Variants in UBE3C observed in about 807,000 individuals in gnomAD.
UBE3C encodes the protein ubiquitin protein ligase E3C, also known as ubiquitin-protein ligase E3C.
In UBE3C, 42 loss-of-function variants were observed where a neutral mutation model predicts 129.4. The observed-to-expected ratio is 0.32, with a 90% CI of 0.25 to 0.42. The LOEUF (loss-of-function observed/expected upper bound fraction) is 0.42, where lower values mean the gene tolerates loss of function less well. Ranked by LOEUF, UBE3C falls within the 10% of genes least tolerant of loss-of-function variation. UBE3C has a pLI of 1.00. For missense variants in UBE3C, 1,049 were observed against 1,319.1 expected, an observed-to-expected ratio of 0.80 and a Z score of 3.17; for synonymous variants, 510 against 492.4, an observed-to-expected ratio of 1.04 and a Z score of -0.47.
At chr7:157,260,274 C>T (rs867689119) in intron 22 of UBE3C, among the ~76,000 whole-genome samples, 6 of 152,174 alleles carry the variant, frequency 3.9e-5, no homozygotes, top group Middle Eastern at 3.4e-3. Flanking sequence ...GAGAAACTGA[C>T]GTAATGAAAG....
intron 18 of UBE3C, among the ~76,000 whole-genome samples, chr7:157,235,886 C>G (rs6946713): frequency 0.1 from 15,516 of 152,242 alleles, 903 homozygotes; most frequent in African/African-American, 0.14. Context: ...TTGCTCGGAT[C>G]TAAGTAAGTG....
At chr7:157,219,842 T>G (rs1003852489) in intron 14 of UBE3C, among the ~76,000 whole-genome samples, 2 of 151,330 alleles carry the variant, frequency 1.3e-5, no homozygotes, top group Non-Finnish European at 2.9e-5. Context: ...GAGGTTGCAG[T>G]GAGCCAAGAT....
intron 8 of UBE3C, among the ~76,000 whole-genome samples, chr7:157,182,595 T>C (rs1808696657): frequency 6.6e-6 from 1 of 152,224 alleles, no homozygotes; most frequent in Non-Finnish European, 1.5e-5. Flanking sequence ...AGCTCTTCTG[T>C]GAGTCAGGCC....
At chr7:157,170,672 A>AT (rs759220641) in intron 4 of UBE3C, among the ~76,000 whole-genome samples, 5 of 152,014 alleles carry the variant, frequency 3.3e-5, no homozygotes, top group Admixed American at 3.3e-4. Context: ...GCTTTTTCGT[A>AT]TTTTTTGCAG....
intron 18 of UBE3C, among the ~76,000 whole-genome samples, chr7:157,237,298 G>C (rs543534508): frequency 6.6e-6 from 1 of 151,852 alleles, no homozygotes; most frequent in African/African-American, 2.4e-5. Flanking sequence ...AAAATTAGCC[G>C]GGCGTGGTGG....
At chr7:157,246,098 G>C (rs2116675233) in intron 18 of UBE3C, among the ~76,000 whole-genome samples, 1 of 151,806 alleles carries the variant, frequency 6.6e-6, no homozygotes, top group Non-Finnish European at 1.5e-5. Flanking sequence ...AACCTCAACA[G>C]CTATTTTCTC....
At chr7:157,266,275 C>T (rs1301588898) in intron 22 of UBE3C, among the ~76,000 whole-genome samples, 1 of 152,166 alleles carries the variant, frequency 6.6e-6, no homozygotes, top group Non-Finnish European at 1.5e-5. Context: ...GATTGCACCA[C>T]TGCACTCCAG....
In UBE3C at chr7:157,269,217, ATATTT is replaced by A. The variant is rs1401882785; in HGVS notation, c.*1467_*1471del. On this transcript the variant is annotated 3_prime_UTR_variant, in exon 23 of 23. Transcript: ENST00000348165. Reference sequence around the variant, plus strand: ...TTCTATATCTTATTAGTTAATTTGTATATTTTATTAGTATTTTGGAAATAGCATAT... The same window carrying A: ...TTCTATATCTTATTAGTTAATTTGTATATTAGTATTTTGGAAATAGCATAT... The A allele has an allele frequency of 1.3e-5, 2 of 152,542 alleles. No individual in the cohort carries two copies. Among genetic ancestry groups the A allele is most frequent in the Admixed American group, 6.6e-5 (1 of 15,266 alleles). 9.4% of individuals were successfully genotyped at this position (152,542 alleles called of 1,614,324 possible).
At chr7:157,224,812 T>C (rs901725279) in intron 16 of UBE3C, among the ~76,000 whole-genome samples, 19 of 151,020 alleles carry the variant, frequency 1.3e-4, no homozygotes, top group South Asian at 2.1e-4. Flanking sequence ...TCTCTCTCTC[T>C]CCCACTCACT....
chr7:157,143,315 C>A (rs191816357), intron 1 of UBE3C, among the ~76,000 whole-genome samples: 1 of 152,152 alleles, frequency 6.6e-6, no homozygotes, highest in East Asian at 1.9e-4. Context: ...ATTTCAAGTA[C>A]AGAAATGGAC....
At chr7:157,231,351 T>C in intron 18 of UBE3C, 24 bp downstream of exon 18, 1 of 1,610,122 alleles carries the variant, frequency 6.2e-7, no homozygotes, top group Middle Eastern at 1.7e-4. Flanking sequence ...CATATAAAAA[T>C]AGACCTCGGA....
intron 13 of UBE3C, among the ~76,000 whole-genome samples, chr7:157,210,129 A>G: frequency 6.6e-6 from 1 of 152,220 alleles, no homozygotes; most frequent in East Asian, 1.9e-4. Flanking sequence ...GTCAGCCGAG[A>G]TAGCGCCACT....
intron 7 of UBE3C, 36 bp downstream of exon 7, chr7:157,181,707 C>T: frequency 6.2e-7 from 1 of 1,605,316 alleles, no homozygotes; most frequent in Non-Finnish European, 8.5e-7. Flanking sequence ...TTTGTCCTTT[C>T]ACAAGATCTA....
At chr7:157,228,862 G>A (rs185292452) in intron 17 of UBE3C, among the ~76,000 whole-genome samples, 17 of 152,272 alleles carry the variant, frequency 1.1e-4, no homozygotes, top group Middle Eastern at 6.8e-3. Context: ...TTACACTCCA[G>A]GTACGGTAAC....
At chr7:157,242,414 A>G (rs1370280501) in intron 18 of UBE3C, among the ~76,000 whole-genome samples, 3 of 151,662 alleles carry the variant, frequency 2.0e-5, no homozygotes, top group Non-Finnish European at 4.4e-5. Context: ...TTATTCTCCT[A>G]TATGGCAAAA....
At chr7:157,192,641 C>T in intron 10 of UBE3C, 1 of 765,750 alleles carries the variant, frequency 1.3e-6, no homozygotes, top group Non-Finnish European at 2.4e-6. Flanking sequence ...AGAATAAGCG[C>T]AAGAGAAAGA....
intron 13 of UBE3C, among the ~76,000 whole-genome samples, chr7:157,208,749 T>A (rs1441932700): frequency 1.3e-5 from 2 of 152,212 alleles, no homozygotes; most frequent in Admixed American, 6.5e-5. Context: ...GTGGCTGGAA[T>A]GTTGGCAGGA....
intron 5 of UBE3C, among the ~76,000 whole-genome samples, chr7:157,176,797 C>T (rs1158667485): frequency 1.3e-5 from 2 of 152,066 alleles, no homozygotes; most frequent in Admixed American, 1.3e-4. Flanking sequence ...GCCTTAAGTG[C>T]TCTCTCTGCC....
At chr7:157,144,938 A>G (rs910173144) in intron 1 of UBE3C, among the ~76,000 whole-genome samples, 9 of 152,202 alleles carry the variant, frequency 5.9e-5, no homozygotes, top group Non-Finnish European at 8.8e-5. Flanking sequence ...ATATGATGAC[A>G]TGTATCTACC....
Sources: allele counts gnomAD v4.1 joint callset (sites outside exome capture counted in the v4.1 genomes callset), GRCh38; gene constraint gnomAD v4.1.1; transcripts MANE v1.5; gene names NCBI Gene and HGNC (gene_info 2026-07-23, HGNC 2026-07-21).